The following GALNTL6 variants were observed in gnomAD, a reference collection of about 807,000 sequenced individuals.
GALNTL6 encodes the protein polypeptide N-acetylgalactosaminyltransferase-like 6.
Under a neutral mutation model 73.7 loss-of-function variants are expected in GALNTL6, and 46 were observed. The observed-to-expected ratio is 0.62, with a 90% CI of 0.49 to 0.80. The LOEUF (loss-of-function observed/expected upper bound fraction) is 0.80, where lower values mean the gene tolerates loss of function less well. Among genes scored for constraint, GALNTL6 ranks in the 30% least tolerant of loss-of-function variants. The pLI, the probability that GALNTL6 is intolerant of heterozygous loss-of-function variation, is 0.00. For synonymous variants in GALNTL6, 259 were observed against 263.7 expected, an observed-to-expected ratio of 0.98 and a Z score of 0.17; for missense variants, 604 against 755.0, an observed-to-expected ratio of 0.80 and a Z score of 2.34.
chr4:172,664,322 T>G (rs1218173732), intron 5 of GALNTL6, among the ~76,000 whole-genome samples: 1 of 152,248 alleles, frequency 6.6e-6, no homozygotes, highest in African/African-American at 2.4e-5. Flanking sequence ...ATTCTTTATT[T>G]TAAAATTTCA....
intron 5 of GALNTL6, among the ~76,000 whole-genome samples, chr4:172,672,093 G>C (rs1182096237): frequency 1.3e-5 from 2 of 152,146 alleles, no homozygotes; most frequent in Non-Finnish European, 2.9e-5. Flanking sequence ...GTTTCACCAT[G>C]TTGGCCAGGC....
intron 2 of GALNTL6, among the ~76,000 whole-genome samples, chr4:172,147,923 A>C (rs7665545): frequency 0.48 from 72,833 of 151,898 alleles, 18,271 homozygotes; most frequent in African/African-American, 0.62. Context: ...CATTGTGAAT[A>C]AACTTCTCCA....
intron 2 of GALNTL6, among the ~76,000 whole-genome samples, chr4:172,007,298 T>C (rs1235898672): frequency 6.6e-6 from 1 of 152,092 alleles, no homozygotes; most frequent in Non-Finnish European, 1.5e-5. Flanking sequence ...TTTTGAAATG[T>C]GTTAAATTAG....
At chr4:172,599,685 C>T (rs988991376) in intron 5 of GALNTL6, among the ~76,000 whole-genome samples, 5 of 152,056 alleles carry the variant, frequency 3.3e-5, no homozygotes, top group Admixed American at 1.3e-4. Context: ...TTAACTCTGC[C>T]GGTCTCAGAA....
At chr4:172,568,913 ATT>A (rs894139756) in intron 5 of GALNTL6, among the ~76,000 whole-genome samples, 1 of 147,228 alleles carries the variant, frequency 6.8e-6, no homozygotes, top group Non-Finnish European at 1.5e-5. Context: ...TCTTCTTGTG[ATT>A]TTTTTTTTTA....
At chr4:172,515,890 G>T (rs926539481) in intron 5 of GALNTL6, among the ~76,000 whole-genome samples, 2 of 152,176 alleles carry the variant, frequency 1.3e-5, no homozygotes, top group Admixed American at 6.5e-5. Flanking sequence ...CATCAGAACT[G>T]TGCCTTTGCA....
rs559354340 is a variant in GALNTL6 at position 172,791,232 on chromosome 4, A to G, written c.554-18129A>G. On this transcript the variant is annotated intron_variant, in intron 5 of 12. Transcript: ENST00000506823. ...TAATGGACAGTTTAGGGTGAGGGCA[A>G]GACACAAGATGTGGGTTTGAGAATA... Among the ~76,000 whole-genome samples, 12 of 152,360 alleles carry G rather than the reference A, an allele frequency of 7.9e-5. No homozygotes were observed. The South Asian group carries it at 2.5e-3, about 32-fold the overall frequency.
At chr4:172,349,846 T>TATATA (rs66675725) in intron 5 of GALNTL6, among the ~76,000 whole-genome samples, 43 of 120,498 alleles carry the variant, frequency 3.6e-4, no homozygotes, top group African/African-American at 1.3e-3. Context: ...TATATATATA[T>TATATA]TTTTTTTAAA....
At chr4:172,894,925 C>G (rs965668925) in intron 8 of GALNTL6, among the ~76,000 whole-genome samples, 3 of 149,028 alleles carry the variant, frequency 2.0e-5, no homozygotes, top group Non-Finnish European at 3.0e-5. Context: ...ATCTCTTTAT[C>G]ATTATATAAT....
intron 2 of GALNTL6, among the ~76,000 whole-genome samples, chr4:171,969,837 T>C (rs1277785824): frequency 6.6e-6 from 1 of 151,516 alleles, no homozygotes; most frequent in Non-Finnish European, 1.5e-5. Context: ...TGGCACAATC[T>C]CTGCCCACTG....
chr4:172,338,033 A>T (rs993798414), intron 4 of GALNTL6, among the ~76,000 whole-genome samples: 4 of 152,154 alleles, frequency 2.6e-5, no homozygotes, highest in African/African-American at 9.7e-5. Flanking sequence ...TTTGAGCTCT[A>T]AAATTCTTTT....
chr4:171,967,981 G>T (rs180922257), intron 2 of GALNTL6, among the ~76,000 whole-genome samples: 1 of 152,210 alleles, frequency 6.6e-6, no homozygotes, highest in East Asian at 1.9e-4. Flanking sequence ...ACAGTAGTGT[G>T]TGCACACATT....
At chr4:171,955,205 A>G (rs1739005477) in intron 2 of GALNTL6, among the ~76,000 whole-genome samples, 1 of 152,172 alleles carries the variant, frequency 6.6e-6, no homozygotes, top group South Asian at 2.1e-4. Context: ...GCAAGAAACA[A>G]AAACAAAAAT....
At chr4:172,525,293 C>A (rs1734913350) in intron 5 of GALNTL6, among the ~76,000 whole-genome samples, 1 of 152,120 alleles carries the variant, frequency 6.6e-6, no homozygotes, top group African/African-American at 2.4e-5. Flanking sequence ...TTTCACAAAA[C>A]CTGTTTGGGG....
chr4:171,845,779 A>G (rs2110851401), intron 2 of GALNTL6, among the ~76,000 whole-genome samples: 1 of 152,022 alleles, frequency 6.6e-6, no homozygotes, highest in South Asian at 2.1e-4. Flanking sequence ...GTTAATAAGG[A>G]AAAAAAATCA....
chr4:172,049,975 ACT>A (rs1730795727), intron 2 of GALNTL6, among the ~76,000 whole-genome samples: 4 of 146,382 alleles, frequency 2.7e-5, no homozygotes, highest in Admixed American at 1.4e-4. Flanking sequence ...CAAGAGCAAA[ACT>A]CTGTCTAAAA....
In GALNTL6 at chr4:172,941,191, A is replaced by G. The variant is rs530052217; in HGVS notation, c.1149+9923A>G. Among the ~76,000 whole-genome samples the G allele has an allele frequency of 7.2e-5, 11 of 152,274 alleles. No homozygotes were observed. In the South Asian group the frequency reaches 2.1e-3, roughly 29 times the overall value. ...TTCCATTGTGCAAAAGAGAGCTTGT[A>G]ATTGAGTCAGGTAGTCCCCAAGCTA... is the stretch of plus-strand genomic sequence containing the variant. On this transcript the variant is annotated intron_variant, in intron 9 of 12. Coordinates refer to ENST00000506823, the MANE Select transcript of GALNTL6 (RefSeq NM_001034845.3).
intron 2 of GALNTL6, among the ~76,000 whole-genome samples, chr4:172,156,250 C>T (rs1434499140): frequency 6.6e-6 from 1 of 152,056 alleles, no homozygotes; most frequent in African/African-American, 2.4e-5. Flanking sequence ...AGCTTTCTTC[C>T]TGTTTCTGCT....
At chr4:172,161,917 A>C (rs1183858171) in intron 2 of GALNTL6, among the ~76,000 whole-genome samples, 1 of 152,060 alleles carries the variant, frequency 6.6e-6, no homozygotes, top group African/African-American at 2.4e-5. Flanking sequence ...TGAATACAAG[A>C]AAACTCATGA....
Sources: gnomAD v4.1 joint callset for allele counts (sites outside exome capture counted in the v4.1 genomes callset) on GRCh38, gnomAD v4.1.1 for gene constraint, MANE v1.5 for transcripts, NCBI Gene and HGNC (gene_info 2026-07-23, HGNC 2026-07-21) for gene names.